The following TTN variants were observed in gnomAD, a reference collection of about 807,000 sequenced individuals.
TTN encodes the protein connectin.
A neutral mutation model predicts 3,223.0 loss-of-function variants in TTN; 1,525 were observed. That is an observed-to-expected ratio of 0.47 (90% confidence interval 0.45 to 0.49). TTN has a LOEUF of 0.49. Ranked by LOEUF, TTN falls within the 20% of genes least tolerant of loss-of-function variation. The pLI is 0.00. For missense variants in TTN, 40,786 were observed against 43,424.0 expected (o/e 0.94, Z 5.40); for synonymous variants, 14,094 against 15,161.0 (o/e 0.93, Z 5.17).
intron 344 of TTN, among the ~76,000 whole-genome samples, chr2:178,545,037 C>T (rs974681317): frequency 6.6e-6 from 1 of 152,176 alleles, no homozygotes; most frequent in African/African-American, 2.4e-5. Flanking sequence ...CTGTATGTTC[C>T]TGCTAAACCT....
At chr2:178,635,938 C>A (rs756850987) in intron 226 of TTN, 25 bp downstream of exon 226, 1 of 1,554,068 alleles carries the variant, frequency 6.4e-7, no homozygotes, top group Non-Finnish European at 8.7e-7. Flanking sequence ...ATAAGCAGAA[C>A]GAAATCTCCC....
Position 178,694,680 on chromosome 2 carries a change from T to C in TTN, c.31349-4A>G. 2 of 1,543,802 alleles carry C rather than the reference T, an allele frequency of 1.3e-6. No individual in the cohort carries two copies. The highest frequency in any genetic ancestry group is 1.7e-6 in the Non-Finnish European group (2 of 1,143,400). ...ATCTTCTTTGAAACTTCAGGTACTTTAAAAATATGTACAAATATATTTGTA... is the reference window on the plus strand; with the variant it reads ...ATCTTCTTTGAAACTTCAGGTACTTCAAAAATATGTACAAATATATTTGTA... On this transcript the variant is annotated splice_region_variant and splice_polypyrimidine_tract_variant and intron_variant, in intron 116 of 362. Coordinates refer to ENST00000589042, the MANE Select transcript of TTN (RefSeq NM_001267550.2).
intron 321 of TTN, 128 bp downstream of exon 321, chr2:178,578,483 A>G: frequency 1.4e-6 from 1 of 710,224 alleles, no homozygotes; most frequent in Middle Eastern, 2.7e-4. Flanking sequence ...AACCATATGT[A>G]CTGAAATAAA....
At position 178,589,887 on chromosome 2, in the gene TTN, T is replaced by C. The variant is rs768175805; in HGVS notation, c.61838A>G (p.Gln20613Arg). The C allele has an allele frequency of 4.3e-6, 7 of 1,613,314 alleles. No homozygotes were observed. Among genetic ancestry groups the C allele is most frequent in the Non-Finnish European group, 5.9e-6 (7 of 1,179,596 alleles). ...TGATGCAACAATTGACCAGCCTTTC[T>C]GGTTTGGTTTGCGATATTCTACTAT... The part of the protein sequence containing the change: ...NFIVEYRKPN[Q>R]KGWSIVASDV... Residue 20613 changes from glutamine to arginine, a missense_variant, in exon 304 of 363, where the codon CAG becomes CGG. Physicochemically the swap from Gln to Arg is conservative, Grantham distance 43 (BLOSUM62 1). Transcript: ENST00000589042.
chr2:178,680,838 A>G (rs1409995675), intron 138 of TTN, among the ~76,000 whole-genome samples: 1 of 152,112 alleles, frequency 6.6e-6, no homozygotes, highest in Non-Finnish European at 1.5e-5. Context: ...TCTATTTTAT[A>G]TGTATTGTAG....
chr2:178,680,097 T>A, intron 139 of TTN, 42 bp from the exon 140 acceptor site: 1 of 1,604,182 alleles, frequency 6.2e-7, no homozygotes. Context: ...TGCCAATGAC[T>A]CAACAAAATT....
chr2:178,768,968 C>T, intron 37 of TTN, 35 bp from the exon 38 acceptor site: 1 of 1,610,046 alleles, frequency 6.2e-7, no homozygotes, highest in Non-Finnish European at 8.5e-7. Context: ...CCCAAGGAGA[C>T]TTTACGTAAA....
In TTN at chr2:178,734,494, T is replaced by C; in HGVS notation, c.15330A>G (p.Lys5110=). The change falls in exon 52 of 363, where the codon AAA becomes AAG. Residue 5110 remains lysine (K), a synonymous_variant. Coordinates refer to ENST00000589042, the MANE Select transcript of TTN (RefSeq NM_001267550.2). ...GTGPFEISWF[K]DKKQIRSSKK... The stretch of plus-strand genomic sequence containing the variant: ...TACTACTTCGAATTTGTTTCTTGTC[T>C]TTGAACCAGCTAATTTCAAATGGTC... The C allele has an allele frequency of 6.2e-7, 1 of 1,613,788 alleles. No homozygotes were observed. Among genetic ancestry groups the C allele is most frequent in the East Asian group, 2.2e-5 (1 of 44,866 alleles).
rs367800789 is a variant in TTN, at chr2:178,561,036, C to T, written c.85096G>A (p.Val28366Ile). The T allele has an allele frequency of 3.7e-5, 59 of 1,613,730 alleles. No individual in the cohort carries two copies. Among genetic ancestry groups the T allele is most frequent in the South Asian group, 9.9e-5 (9 of 91,076 alleles). Residue 28366 changes from valine to isoleucine, a missense_variant, in exon 326 of 363, where the codon GTT becomes ATT. Coordinates refer to ENST00000589042, the MANE Select transcript of TTN (RefSeq NM_001267550.2). ...ACCTCTCCAGCTTTGACAACAATAA[C>T]GTCTCGGAACTTGACATCCATCATA... The part of the protein sequence containing the change: ...RVMMDVKFRD[V>I]IVVKAGEVLK...
At chr2:178,652,565 C>A (rs1411388118) in intron 201 of TTN, 24 bp from the exon 202 acceptor site, 1 of 1,612,166 alleles carries the variant, frequency 6.2e-7, no homozygotes, top group East Asian at 2.2e-5. Context: ...AGTGAAATTA[C>A]ATTTAGAAGT....
chr2:178,739,072 T>C, intron 48 of TTN, 69 bp downstream of exon 48: 2 of 1,437,698 alleles, frequency 1.4e-6, no homozygotes, highest in Non-Finnish European at 1.8e-6. Flanking sequence ...AAAATTTAAG[T>C]GATGCAAGCT....
intron 71 of TTN, 37 bp from the exon 72 acceptor site, chr2:178,724,575 G>A: frequency 1.3e-6 from 2 of 1,534,714 alleles, no homozygotes; most frequent in Non-Finnish European, 1.8e-6. Flanking sequence ...TCAAAGTCTG[G>A]GATCTTTACT....
chr2:178,735,807 G>A lies in TTN; in HGVS notation c.14639C>T (p.Ala4880Val), dbSNP rs373683445. ...SNKFGADICQ[A>V]ELIIIDKPHF... ...TGGCTTATCAATGATGATCAACTCT[G>A]CTTGGCAGATGTCTGCTCCAAACTT... is the stretch of plus-strand genomic sequence containing the variant. The change falls in exon 50 of 363, where the codon GCA (alanine) becomes GTA (valine). Residue 4880 changes from alanine (A) to valine (V), a missense_variant. Transcript: ENST00000589042. 41 of 1,613,722 alleles carry A rather than the reference G, an allele frequency of 2.5e-5. No individual in the cohort carries two copies. The African/African-American group carries it at 4.8e-4, about 19-fold the overall frequency.
intron 213 of TTN, among the ~76,000 whole-genome samples, chr2:178,648,894 C>G (rs1174450191): frequency 2.0e-5 from 3 of 152,148 alleles, no homozygotes; most frequent in Non-Finnish European, 4.4e-5. Context: ...TTTCTATCCT[C>G]TCACCAGATT....
Position 178,780,013 on chromosome 2 carries a change from T to C in TTN, c.3716A>G (p.Tyr1239Cys), listed in dbSNP as rs794729569. Residue 1239 changes from tyrosine (Y) to cysteine (C), a missense_variant, in exon 22 of 363, where the codon TAT (tyrosine) becomes TGT (cysteine). Tyr to Cys is a radical substitution (Grantham distance 194). Coordinates refer to ENST00000589042, the MANE Select transcript of TTN (RefSeq NM_001267550.2). ...MAKDTVVVRTYVEDQEFHISS... is the reference protein window; with the variant it reads ...MAKDTVVVRTCVEDQEFHISS... ...TTTTATACTCACCTGATCTTCTACA[T>C]AAGTTCTGACCACTACAGTATCTTT... The C allele has an allele frequency of 6.2e-7, 1 of 1,612,606 alleles. No individual in the cohort carries two copies. The highest frequency in any genetic ancestry group is 1.7e-5 in the Admixed American group (1 of 60,014).
Position 178,585,366 on chromosome 2 carries a change from G to T in TTN, c.64397-19C>A, listed in dbSNP as rs772470458. 9.1e-6 allele frequency: 14 copies of T among 1,545,378 alleles called. No individual in the cohort carries two copies. Among genetic ancestry groups the T allele is most frequent in the Non-Finnish European group, 6.1e-6 (7 of 1,149,962 alleles). The stretch of plus-strand genomic sequence containing the variant: ...GGTGGCACTGAAAGTAAAATGAAAA[G>T]ATATTAATTTTGGGAAGGTGGATAA... On this transcript the variant is annotated intron_variant, in intron 308 of 362. Transcript: ENST00000589042.
chr2:178,613,659 A>G, intron 263 of TTN, 92 bp downstream of exon 263: 1 of 1,319,422 alleles, frequency 7.6e-7, no homozygotes, highest in Non-Finnish European at 1.0e-6. Flanking sequence ...TTTTTTAGTA[A>G]TATATAATCA....
Position 178,589,733 on chromosome 2 carries a change from G to T in TTN, c.61992C>A (p.Asn20664Lys), listed in dbSNP as rs376455983. ...IETKTPILAI[N>K]PIDRPGEPEN... ...CAGGCTCACCTGGTCTGTCAATAGGGTTAATAGCCAGAATGGGAGTTTTTG... is the reference window on the plus strand; with the variant it reads ...CAGGCTCACCTGGTCTGTCAATAGGTTTAATAGCCAGAATGGGAGTTTTTG... The change falls in exon 304 of 363, where the codon AAC becomes AAA. Residue 20664 changes from asparagine to lysine, a missense_variant. Coordinates refer to ENST00000589042, the MANE Select transcript of TTN (RefSeq NM_001267550.2). 4 of 1,613,554 alleles carry T rather than the reference G, an allele frequency of 2.5e-6. No individual in the cohort carries two copies. Among genetic ancestry groups the T allele is most frequent in the South Asian group, 1.1e-5 (1 of 91,064 alleles).
In TTN at chr2:178,548,400, T is replaced by G. The variant is rs778813590; in HGVS notation, c.93226A>C (p.Lys31076Gln). 1.2e-6 allele frequency: 2 copies of G among 1,613,724 alleles called. No individual in the cohort carries two copies. The highest frequency in any genetic ancestry group is 2.7e-5 in the African/African-American group (2 of 74,918). The change falls in exon 339 of 363, where the codon AAG becomes CAG. Residue 31076 changes from lysine (K) to glutamine (Q), a missense_variant. Physicochemically the swap from Lys to Gln is moderately conservative, Grantham distance 53. Transcript: ENST00000589042. The surrounding 1 kb of genome is among the most constrained non-coding windows in gnomAD (Gnocchi z 4.3). ...ISEKCTRQIF[K>Q]VNDLAEGVPY... ...ACACCTTCGGCCAGGTCATTGACCT[T>G]GAAGATCTGACGAGTGCATTTTTCA... is the stretch of plus-strand genomic sequence containing the variant.
Sources: allele counts gnomAD v4.1 joint callset (sites outside exome capture counted in the v4.1 genomes callset), GRCh38; gene constraint gnomAD v4.1.1; non-coding constraint Gnocchi (gnomAD v3.1); transcripts MANE v1.5; gene names NCBI Gene and HGNC (gene_info 2026-07-23, HGNC 2026-07-21).